RARB: variants seen among roughly 807,000 people sequenced by gnomAD.
RARB encodes the protein retinoic acid receptor beta.
In RARB, 17 loss-of-function variants were observed where a neutral mutation model predicts 51.9. The observed-to-expected ratio is 0.33, with a 90% CI of 0.22 to 0.49. The LOEUF is 0.49. RARB is among the 20% of genes least tolerant of loss of function. The pLI is 0.99. For synonymous variants in RARB, 215 were observed against 195.4 expected (o/e 1.10, Z -0.84); for missense variants, 369 against 550.8 (o/e 0.67, Z 3.30).
intron 1 of RARB, among the ~76,000 whole-genome samples, chr3:24,855,508 T>C (rs1285395262): frequency 6.6e-6 from 1 of 152,200 alleles, no homozygotes; most frequent in Non-Finnish European, 1.5e-5. Flanking sequence ...TTCCTTTGTA[T>C]ACCTGTTCCC....
chr3:24,837,807 T>C (rs1440534165), intron 1 of RARB, among the ~76,000 whole-genome samples: 1 of 152,232 alleles, frequency 6.6e-6, no homozygotes, highest in African/African-American at 2.4e-5. Context: ...TGAAGCATTC[T>C]GAGGTTTTCT....
chr3:25,371,195 C>T (rs547535654), intron 5 of RARB, among the ~76,000 whole-genome samples: 1 of 152,128 alleles, frequency 6.6e-6, no homozygotes, highest in South Asian at 2.1e-4. Context: ...AGAGGTAATT[C>T]GCTCATGAGA....
intron 2 of RARB, among the ~76,000 whole-genome samples, chr3:25,058,267 T>C (rs1698479922): frequency 6.6e-6 from 1 of 151,924 alleles, no homozygotes; most frequent in African/African-American, 2.4e-5. Context: ...ATTTTCATAA[T>C]TATCCTGGAT....
intron 5 of RARB, among the ~76,000 whole-genome samples, chr3:25,226,603 C>T (rs1166987192): frequency 2.6e-5 from 4 of 152,160 alleles, no homozygotes; most frequent in Non-Finnish European, 5.9e-5. Flanking sequence ...ACAACATCTG[C>T]TGAGGGACAT....
chr3:25,163,977 T>A (rs1426513113), intron 4 of RARB, among the ~76,000 whole-genome samples: 1 of 152,152 alleles, frequency 6.6e-6, no homozygotes, highest in East Asian at 1.9e-4. Flanking sequence ...TGGGTACTGA[T>A]TCCTCTCCAA....
rs117756391 is a variant in RARB, at chr3:24,982,069, A to G, written c.-379-78056A>G. ...TGGGTCCTGGCCAGCCACTGCTTCA[A>G]TGATATTATATATCATCTGCCTCAT... is the stretch of plus-strand genomic sequence containing the variant. On this transcript the variant is annotated intron_variant, in intron 2 of 11. Coordinates refer to the RARB transcript ENST00000383772. 1.1e-4 allele frequency among the ~76,000 whole-genome samples: 17 copies of G among 152,236 alleles called. No individual in the cohort carries two copies. In the East Asian group the frequency reaches 1.7e-3, roughly 16 times the overall value.
intron 5 of RARB, among the ~76,000 whole-genome samples, chr3:25,407,307 G>A (rs538209514): frequency 1.3e-5 from 2 of 152,278 alleles, no homozygotes; most frequent in East Asian, 1.9e-4. Context: ...GAAAAAGACC[G>A]CAAATTCTGG....
intron 1 of RARB, among the ~76,000 whole-genome samples, chr3:25,460,852 A>T (rs936600360): frequency 6.6e-6 from 1 of 152,210 alleles, no homozygotes; most frequent in African/African-American, 2.4e-5. Context: ...TCTTGGCTCT[A>T]CCACTGCTCT....
intron 5 of RARB, among the ~76,000 whole-genome samples, chr3:25,212,685 A>G (rs1444794186): frequency 6.6e-6 from 1 of 152,170 alleles, no homozygotes; most frequent in Non-Finnish European, 1.5e-5. Context: ...GTGTCCCTAA[A>G]TCTTTATATC....
At chr3:25,095,963 C>T (rs888346052) in intron 3 of RARB, among the ~76,000 whole-genome samples, 5 of 152,116 alleles carry the variant, frequency 3.3e-5, no homozygotes, top group Admixed American at 6.6e-5. Context: ...GCTCCACCGC[C>T]GGGGAAGTGA....
At chr3:25,178,609 A>G (rs974478296) in intron 5 of RARB, among the ~76,000 whole-genome samples, 3 of 152,096 alleles carry the variant, frequency 2.0e-5, no homozygotes, top group Non-Finnish European at 4.4e-5. Flanking sequence ...TGACAGCTCC[A>G]CCATGGACAT....
At chr3:25,340,606 T>C (rs1705199567) in intron 5 of RARB, among the ~76,000 whole-genome samples, 1 of 152,178 alleles carries the variant, frequency 6.6e-6, no homozygotes, top group Non-Finnish European at 1.5e-5. Context: ...TTTTTCTCCA[T>C]TTAAAGTATC....
intron 3 of RARB, among the ~76,000 whole-genome samples, chr3:25,119,335 C>T (rs1260196033): frequency 6.6e-6 from 1 of 152,084 alleles, no homozygotes; most frequent in Non-Finnish European, 1.5e-5. Context: ...AGTTTGAACC[C>T]TTGTTCCTCC....
intron 2 of RARB, among the ~76,000 whole-genome samples, chr3:24,980,551 C>T (rs116660275): frequency 3.0e-4 from 45 of 152,214 alleles, no homozygotes; most frequent in African/African-American, 8.9e-4. Flanking sequence ...TCCACTTGAT[C>T]GAATCGGCTT....
At chr3:25,357,235 T>C (rs1705770496) in intron 5 of RARB, among the ~76,000 whole-genome samples, 1 of 152,250 alleles carries the variant, frequency 6.6e-6, no homozygotes, top group African/African-American at 2.4e-5. Flanking sequence ...TATCTCATTG[T>C]GGTTTTGATT....
intron 2 of RARB, among the ~76,000 whole-genome samples, chr3:24,960,654 A>G (rs2125411237): frequency 6.6e-6 from 1 of 152,334 alleles, no homozygotes; most frequent in Middle Eastern, 3.4e-3. Flanking sequence ...AAACCAGAAT[A>G]AAATGCTGTG....
At chr3:24,885,402 A>G (rs1703248604) in intron 2 of RARB, among the ~76,000 whole-genome samples, 1 of 152,286 alleles carries the variant, frequency 6.6e-6, no homozygotes, top group South Asian at 2.1e-4. Context: ...CAGAATTATG[A>G]TTGAACAAAA....
intron 5 of RARB, among the ~76,000 whole-genome samples, chr3:25,204,081 T>G (rs1044179777): frequency 6.6e-6 from 1 of 152,206 alleles, no homozygotes; most frequent in African/African-American, 2.4e-5. Flanking sequence ...AGATGTAGAT[T>G]TGGTCTTTTC....
At chr3:25,461,901 A>G (rs945443720) in intron 2 of RARB, among the ~76,000 whole-genome samples, 2 of 152,208 alleles carry the variant, frequency 1.3e-5, no homozygotes, top group East Asian at 1.9e-4. Flanking sequence ...TCAAAAACCA[A>G]ACAAACAAAA....
Sources: gnomAD v4.1 joint callset for allele counts (sites outside exome capture counted in the v4.1 genomes callset) on GRCh38, gnomAD v4.1.1 for gene constraint, MANE v1.5 for transcripts, NCBI Gene and HGNC (gene_info 2026-07-23, HGNC 2026-07-21) for gene names.